Variants in CHCHD7 observed in about 807,000 individuals in gnomAD.
The protein encoded by CHCHD7 is coiled-coil-helix-coiled-coil-helix domain containing 7, also known as coiled-coil-helix-coiled-coil-helix domain-containing protein 7.
Under a neutral mutation model 10.5 loss-of-function variants are expected in CHCHD7, and 7 were observed. The ratio of observed to expected loss-of-function variants is 0.67; its 90% CI spans 0.38 to 1.25. The LOEUF (loss-of-function observed/expected upper bound fraction) is 1.25, where lower values mean the gene tolerates loss of function less well. Among genes scored for constraint, CHCHD7 ranks in the 50% most tolerant of loss-of-function variants. The pLI is 0.02. For missense variants in CHCHD7, 100 were observed against 104.5 expected (o/e 0.96, Z 0.19); for synonymous variants, 40 against 36.0 (o/e 1.11, Z -0.40).
In CHCHD7 at chr8:56,218,240, T is replaced by G. The variant is rs1389732269; in HGVS notation, c.*805T>G. ...AGGATGAGTTGGGCAGGGAAAAGGG[T>G]CAGGGTTCATCAGGTGAACTCAACA... On this transcript the variant is annotated 3_prime_UTR_variant, in exon 4 of 4. Coordinates refer to ENST00000355315, the MANE Select transcript of CHCHD7 (RefSeq NM_001011671.3). 4.4e-6 allele frequency: 1 copy of G among 228,288 alleles called. No homozygotes were observed. The highest frequency in any genetic ancestry group is 8.7e-6 in the Non-Finnish European group (1 of 115,016). 14.1% of individuals were successfully genotyped at this position (228,288 alleles called of 1,614,324 possible). A position where few individuals can be genotyped will look rare whatever the true frequency, so the allele number is the denominator to read the frequency against.
chr8:56,214,740 G>C (rs940274549), intron 2 of CHCHD7, 73 bp downstream of exon 2: 8 of 1,096,952 alleles, frequency 7.3e-6, no homozygotes, highest in Non-Finnish European at 1.1e-5. Flanking sequence ...GTGGGCCTTT[G>C]TTTTCTGCAG....
chr8:56,214,738 T>C (rs1434789159), intron 2 of CHCHD7, 71 bp downstream of exon 2: 2 of 1,169,158 alleles, frequency 1.7e-6, no homozygotes. Context: ...TTGTGGGCCT[T>C]TGTTTTCTGC....
In CHCHD7 at chr8:56,218,213, G is replaced by A. The variant is rs1813473376; in HGVS notation, c.*778G>A. ...TCCCTTAGAAGTAAGATTTCTATTT[G>A]CAGGATGAGTTGGGCAGGGAAAAGG... On this transcript the variant is annotated 3_prime_UTR_variant, in exon 4 of 4. Coordinates refer to ENST00000355315, the MANE Select transcript of CHCHD7 (RefSeq NM_001011671.3). 1 of 227,194 alleles carries A rather than the reference G, an allele frequency of 4.4e-6. No homozygotes were observed. The highest frequency in any genetic ancestry group is 8.7e-6 in the Non-Finnish European group (1 of 114,504). The allele number at this position is 227,194 out of a possible 1,614,324, so 14.1% of individuals were successfully genotyped here.
intron 1 of CHCHD7, chr8:56,212,742 C>G: frequency 1.4e-6 from 1 of 721,268 alleles, no homozygotes; most frequent in Non-Finnish European, 2.5e-6. Flanking sequence ...TGTAAATTGA[C>G]ATTTCCTCTT....
chr8:56,212,160 T>G (rs929022145), intron 1 of CHCHD7: 7 of 151,256 alleles, frequency 4.6e-5, no homozygotes, highest in African/African-American at 1.8e-4. Context: ...CTCGGCATGG[T>G]CTCGGCACAG....
At chr8:56,216,264 C>A in intron 2 of CHCHD7, 169 bp from the exon 3 acceptor site, 1 of 1,012,450 alleles carries the variant, frequency 9.9e-7, no homozygotes, top group Non-Finnish European at 1.4e-6. Flanking sequence ...AGAGTGCATA[C>A]TGGGATAGCT....
At position 56,218,789 on chromosome 8, in the gene CHCHD7, T is replaced by A. The variant is rs1813506431; in HGVS notation, c.*1354T>A. 5.4e-6 allele frequency: 1 copy of A among 185,920 alleles called. No individual in the cohort carries two copies. The highest frequency in any genetic ancestry group is 2.3e-5 in the African/African-American group (1 of 42,678). The allele number at this position is 185,920 out of a possible 1,614,324, so 11.5% of individuals were successfully genotyped here. On this transcript the variant is annotated 3_prime_UTR_variant, in exon 4 of 4. Coordinates refer to ENST00000355315, the MANE Select transcript of CHCHD7 (RefSeq NM_001011671.3). Reference sequence around the variant, plus strand: ...AGGTACATACCAATATCAACATTCATCTTGTAACTAGTTGTCCTGATGCCA... The same window carrying A: ...AGGTACATACCAATATCAACATTCAACTTGTAACTAGTTGTCCTGATGCCA...
chr8:56,216,910 C>A, intron 3 of CHCHD7: 1 of 490,784 alleles, frequency 2.0e-6, no homozygotes, highest in Non-Finnish European at 3.7e-6. Context: ...CACTGCCATC[C>A]GTGGAAGTTA....
chr8:56,216,813 T>C, intron 3 of CHCHD7: 1 of 681,588 alleles, frequency 1.5e-6, no homozygotes, highest in South Asian at 1.5e-5. Context: ...TTGTTATAAA[T>C]TTAGTTTTCC....
At chr8:56,214,765 TA>T (rs1813245604) in intron 2 of CHCHD7, 98 bp downstream of exon 2, 1 of 833,136 alleles carries the variant, frequency 1.2e-6, no homozygotes, top group African/African-American at 1.7e-5. Flanking sequence ...TGAATAAAGT[TA>T]TTTCTCTAGA....
Position 56,217,522 on chromosome 8 carries a change from C to A in CHCHD7, c.*87C>A. On this transcript the variant is annotated 3_prime_UTR_variant, in exon 4 of 4. Coordinates refer to ENST00000355315, the MANE Select transcript of CHCHD7 (RefSeq NM_001011671.3). ...GCTGTAATATTTAAGACTGTACACCCCTCACCCAGACAGACCTTAAGTTCT... is the reference window on the plus strand; with the variant it reads ...GCTGTAATATTTAAGACTGTACACCACTCACCCAGACAGACCTTAAGTTCT... 1 of 813,438 alleles carries A rather than the reference C, an allele frequency of 1.2e-6. No individual in the cohort carries two copies. Among genetic ancestry groups the A allele is most frequent in the Non-Finnish European group, 2.0e-6 (1 of 498,496 alleles). The allele number at this position is 813,438 out of a possible 1,614,324, so 50.4% of individuals were successfully genotyped here. A position where few individuals can be genotyped will look rare whatever the true frequency, so the allele number is the denominator to read the frequency against.
At chr8:56,216,722 C>T (rs1409697650) in intron 3 of CHCHD7, 191 bp downstream of exon 3, 2 of 721,054 alleles carry the variant, frequency 2.8e-6, no homozygotes, top group Non-Finnish European at 5.0e-6. Context: ...GCCTCGTCGT[C>T]CTCTAAGCTA....
rs777442616 is a variant in CHCHD7 at position 56,218,191 on chromosome 8, C to G, written c.*756C>G. On this transcript the variant is annotated 3_prime_UTR_variant, in exon 4 of 4. Coordinates refer to ENST00000355315, the MANE Select transcript of CHCHD7 (RefSeq NM_001011671.3). ...ATGGGAAGAAAGACAAATGGATTCC[C>G]TTAGAAGTAAGATTTCTATTTGCAG... The G allele has an allele frequency of 8.8e-6, 2 of 227,488 alleles. No homozygotes were observed. Among genetic ancestry groups the G allele is most frequent in the Middle Eastern group, 1.3e-3 (1 of 744 alleles). 14.1% of individuals were successfully genotyped at this position (227,488 alleles called of 1,614,324 possible).
intron 1 of CHCHD7, 31 bp downstream of exon 1, chr8:56,211,868 C>G (rs1812974349): frequency 6.6e-6 from 1 of 152,662 alleles, no homozygotes; most frequent in Non-Finnish European, 1.5e-5. Context: ...ACCTCCGAAG[C>G]GGCCGCAGAA....
chr8:56,216,823 C>T lies in CHCHD7; in HGVS notation c.153+292C>T, dbSNP rs545194447. The T allele has an allele frequency of 8.9e-6, 6 of 671,718 alleles. No homozygotes were observed. In the African/African-American group the frequency reaches 1.1e-4, roughly 12 times the overall value. 41.6% of individuals were successfully genotyped at this position (671,718 alleles called of 1,614,324 possible). A position where few individuals can be genotyped will look rare whatever the true frequency, so the allele number is the denominator to read the frequency against. ...TGTCTTTGTTATAAATTTAGTTTTC[C>T]TGGAGATGAACAGAATGTTTAACTT... On this transcript the variant is annotated intron_variant, in intron 3 of 3. Transcript: ENST00000355315.
At chr8:56,212,814 A>C (rs1051368521) in intron 1 of CHCHD7, 23 of 1,432,902 alleles carry the variant, frequency 1.6e-5, no homozygotes, top group Non-Finnish European at 1.8e-5. Flanking sequence ...ATCCAAACTT[A>C]GAGTGCCTTG....
rs1401159281 is a variant in CHCHD7 at position 56,218,098 on chromosome 8, CTG to C, written c.*666_*667del. The C allele has an allele frequency of 4.4e-6, 1 of 228,290 alleles. No individual in the cohort carries two copies. The highest frequency in any genetic ancestry group is 8.7e-6 in the Non-Finnish European group (1 of 115,108). 14.1% of individuals were successfully genotyped at this position (228,290 alleles called of 1,614,324 possible). Reference sequence around the variant, plus strand: ...TAAAGAAAGTCTTAGTTACAGGATTCTGTGATTAAAATCCTTAAATATTGGGT... The same window carrying C: ...TAAAGAAAGTCTTAGTTACAGGATTCTGATTAAAATCCTTAAATATTGGGT... On this transcript the variant is annotated 3_prime_UTR_variant, in exon 4 of 4. Coordinates refer to ENST00000355315, the MANE Select transcript of CHCHD7 (RefSeq NM_001011671.3).
chr8:56,215,274 A>G (rs1813274828), intron 2 of CHCHD7: 1 of 152,306 alleles, frequency 6.6e-6, no homozygotes, highest in Non-Finnish European at 1.5e-5. Flanking sequence ...ACATTCATTA[A>G]ATATTTGGCA....
In CHCHD7 at chr8:56,218,295, A is replaced by G. The variant is rs1289383273; in HGVS notation, c.*860A>G. 4 of 229,364 alleles carry G rather than the reference A, an allele frequency of 1.7e-5. No individual in the cohort carries two copies. Among genetic ancestry groups the G allele is most frequent in the African/African-American group, 6.6e-5 (3 of 45,118 alleles). 14.2% of individuals were successfully genotyped at this position (229,364 alleles called of 1,614,324 possible). A position where few individuals can be genotyped will look rare whatever the true frequency, so the allele number is the denominator to read the frequency against. ...GATGAGACTAGAACTTCACTTTATG[A>G]TATAAACACAATACGATTATTCAAT... On this transcript the variant is annotated 3_prime_UTR_variant, in exon 4 of 4. Coordinates refer to ENST00000355315, the MANE Select transcript of CHCHD7 (RefSeq NM_001011671.3).
Sources: allele counts gnomAD v4.1 joint callset, GRCh38; gene constraint gnomAD v4.1.1; transcripts MANE v1.5; gene names NCBI Gene and HGNC (gene_info 2026-07-23, HGNC 2026-07-21).